Variants in TERT observed in about 807,000 individuals in gnomAD.
TERT encodes telomerase catalytic subunit.
A neutral mutation model predicts 104.0 loss-of-function variants in TERT; 42 were observed. The ratio of observed to expected loss-of-function variants is 0.40; its 90% CI spans 0.32 to 0.52. The LOEUF (loss-of-function observed/expected upper bound fraction) is 0.52. Among genes scored for constraint, TERT ranks in the 20% least tolerant of loss-of-function variants. The probability of loss-of-function intolerance (pLI) is 0.43; values close to 1 mark genes in which losing one functional copy is unlikely to be tolerated. For synonymous variants in TERT, 781 were observed against 725.6 expected (o/e 1.08, Z -1.23); for missense variants, 1,101 against 1,610.3 (o/e 0.68, Z 5.41).
intron 13 of TERT, 128 bp downstream of exon 13, chr5:1,258,470 C>G: frequency 2.4e-6 from 2 of 825,852 alleles, no homozygotes; most frequent in Non-Finnish European, 4.0e-6. Flanking sequence ...GGCAGCAGCA[C>G]CACTGAAAAC....
chr5:1,260,347 T>C, intron 12 of TERT, 127 bp downstream of exon 12: 1 of 1,457,966 alleles, frequency 6.9e-7, no homozygotes, highest in Non-Finnish European at 9.5e-7. Context: ...TGTATATGCG[T>C]ACATGTGCAC....
At position 1,263,962 on chromosome 5, in the gene TERT, T is replaced by C. The variant is rs991269880; in HGVS notation, c.2843+442A>G. ...AGTGTGGGGCTCACAGCGGAGAGAC[T>C]CACGCCCAAAAGGGCCCTGAAGTCT... is the stretch of plus-strand genomic sequence containing the variant. On this transcript the variant is annotated intron_variant, in intron 11 of 15. Coordinates refer to ENST00000310581, the MANE Select transcript of TERT (RefSeq NM_198253.3). This position sits in a 1 kb window ranked among gnomAD's most constrained non-coding sequence, Gnocchi z 5.3. Among the ~76,000 whole-genome samples, 1 of 152,104 alleles carries C rather than the reference T, an allele frequency of 6.6e-6. No homozygotes were observed. Among genetic ancestry groups the C allele is most frequent in the Non-Finnish European group, 1.5e-5 (1 of 68,014 alleles).
At chr5:1,291,605 TGCCTCACTCACCCTGCACG>T (rs1561212198) in intron 2 of TERT, among the ~76,000 whole-genome samples, 6 of 4,536 alleles carry the variant, frequency 1.3e-3, no homozygotes, top group Non-Finnish European at 2.5e-3. Flanking sequence ...CCGGGGACAG[TGCCTCACTCACCCTGCACG>T]GGACAGGGAC....
In TERT at chr5:1,261,453, G is replaced by A. The variant is rs1748221643; in HGVS notation, c.2844-853C>T. Among the ~76,000 whole-genome samples, 2 of 152,206 alleles carry A rather than the reference G, an allele frequency of 1.3e-5. No individual in the cohort carries two copies. The highest frequency in any genetic ancestry group is 1.3e-4 in the Admixed American group (2 of 15,278). On this transcript the variant is annotated intron_variant, in intron 11 of 15. Coordinates refer to ENST00000310581, the MANE Select transcript of TERT (RefSeq NM_198253.3). The surrounding 1 kb of genome is among the most constrained non-coding windows in gnomAD (Gnocchi z 7.4). ...GTGATAATGTCTGGTCACTTCAGAAGTGGAATTACTGGGAAGACACAGGAC... is the reference window on the plus strand; with the variant it reads ...GTGATAATGTCTGGTCACTTCAGAAATGGAATTACTGGGAAGACACAGGAC...
At chr5:1,284,456 GGACCGGCACCA>G (rs1750322842) in intron 2 of TERT, among the ~76,000 whole-genome samples, 1 of 23,216 alleles carries the variant, frequency 4.3e-5, no homozygotes, top group Non-Finnish European at 9.5e-5. Flanking sequence ...ACCTCACCCC[GGACCGGCACCA>G]TCCGGACTCC....
At position 1,264,583 on chromosome 5, in the gene TERT, G is replaced by C. The variant is rs1350944615; in HGVS notation, c.2664C>G (p.Val888=). ...THAKTFLRTL[V]RGVPEYGCVV... is the part of the protein sequence containing the mutation. ...CGCAGCCATACTCAGGGACACCTCG[G>C]ACCAGGGTCCTAAGGCAGAGGGGCA... The change falls in exon 11 of 16, where the codon GTC becomes GTG. Residue 888 remains valine, a synonymous_variant. Coordinates refer to ENST00000310581, the MANE Select transcript of TERT (RefSeq NM_198253.3). 1.2e-6 allele frequency: 2 copies of C among 1,613,968 alleles called. No homozygotes were observed. Among genetic ancestry groups the C allele is most frequent in the South Asian group, 2.2e-5 (2 of 91,084 alleles).
chr5:1,255,884 C>T lies in TERT; in HGVS notation c.3033-473G>A, dbSNP rs866605789. Among the ~76,000 whole-genome samples, 3 of 152,122 alleles carry T rather than the reference C, an allele frequency of 2.0e-5. No homozygotes were observed. The highest frequency in any genetic ancestry group is 7.2e-5 in the African/African-American group (3 of 41,420). On this transcript the variant is annotated intron_variant, in intron 13 of 15. Transcript: ENST00000310581. This position sits in a 1 kb window ranked among gnomAD's most constrained non-coding sequence, Gnocchi z 6.9. ...GCCACCCGCCCCTGTGGTGCATAAA[C>T]CCTGGGTCTGGGGTGATGGTGTGAG...
In TERT at chr5:1,253,713, G is replaced by C; in HGVS notation, c.*15C>G. The C allele has an allele frequency of 6.2e-7, 1 of 1,601,522 alleles. No homozygotes were observed. On this transcript the variant is annotated 3_prime_UTR_variant, in exon 16 of 16. Transcript: ENST00000310581. ...GCTGGTGTCTGCTCTCGGCCTGGCT[G>C]TGGGCGGGTGGCCATCAGTCCAGGA...
At chr5:1,253,876 G>T (rs1352233198) in intron 15 of TERT, 45 bp from the exon 16 acceptor site, 2 of 1,570,320 alleles carry the variant, frequency 1.3e-6, no homozygotes, top group Non-Finnish European at 1.7e-6. Context: ...GGCCAGAGGT[G>T]GCATCCTCCA....
At chr5:1,289,413 C>T (rs1190823597) in intron 2 of TERT, among the ~76,000 whole-genome samples, 3 of 118,308 alleles carry the variant, frequency 2.5e-5, no homozygotes, top group Non-Finnish European at 3.6e-5. Flanking sequence ...CAGGGACACC[C>T]GGGGACGGCG....
In TERT at chr5:1,286,186, T is replaced by C. The variant is rs1750472481; in HGVS notation, c.1574-3562A>G. On this transcript the variant is annotated intron_variant, in intron 2 of 15. Transcript: ENST00000310581. This position sits in a 1 kb window ranked among gnomAD's most constrained non-coding sequence, Gnocchi z 5.3. ...TCACGGGCCAAGATGACCGCCCTCC[T>C]CGTGAGTCTCCACATCTTCATCTGT... Among the ~76,000 whole-genome samples, 1 of 152,082 alleles carries C rather than the reference T, an allele frequency of 6.6e-6. No homozygotes were observed. Among genetic ancestry groups the C allele is most frequent in the Non-Finnish European group, 1.5e-5 (1 of 68,014 alleles).
chr5:1,266,160 C>T (rs1177220918), intron 10 of TERT, among the ~76,000 whole-genome samples: 1 of 152,168 alleles, frequency 6.6e-6, no homozygotes, highest in Admixed American at 6.5e-5. Flanking sequence ...CCCCAGGAGC[C>T]GCCACTCTTG....
intron 2 of TERT, among the ~76,000 whole-genome samples, chr5:1,289,348 A>C (rs11950844): frequency 7.0e-6 from 1 of 143,840 alleles, no homozygotes; most frequent in East Asian, 2.1e-4. Context: ...TGCCTCACTC[A>C]CCCTACACGT....
rs1325916101 is a variant in TERT, at chr5:1,264,707, G to A, written c.2655-115C>T. 2.3e-6 allele frequency: 3 copies of A among 1,299,468 alleles called. No individual in the cohort carries two copies. The East Asian group carries it at 7.0e-5, about 31-fold the overall frequency. The allele number at this position is 1,299,468 out of a possible 1,614,324, so 80.5% of individuals were successfully genotyped here. A position where few individuals can be genotyped will look rare whatever the true frequency, so the allele number is the denominator to read the frequency against. On this transcript the variant is annotated intron_variant, in intron 10 of 15. Coordinates refer to ENST00000310581, the MANE Select transcript of TERT (RefSeq NM_198253.3). Reference sequence around the variant, plus strand: ...CAGAGAAGTGGTGATTTGGAGCAGGGTGCTGGGCCTGGCAGGAGCTCTGAG... The same window carrying A: ...CAGAGAAGTGGTGATTTGGAGCAGGATGCTGGGCCTGGCAGGAGCTCTGAG...
At chr5:1,277,373 C>T (rs35072952) in intron 6 of TERT, among the ~76,000 whole-genome samples, 8 of 152,212 alleles carry the variant, frequency 5.3e-5, no homozygotes, top group African/African-American at 1.9e-4. Context: ...CAGTCCGCAC[C>T]CAGGAGCCTC....
intron 15 of TERT, 90 bp from the exon 16 acceptor site, chr5:1,253,921 G>C: frequency 1.4e-6 from 2 of 1,394,276 alleles, no homozygotes; most frequent in Non-Finnish European, 2.0e-6. Context: ...CGGGCAGGCA[G>C]GGCCTGCACC....
chr5:1,282,300 G>A, intron 3 of TERT, 129 bp downstream of exon 3: 1 of 986,380 alleles, frequency 1.0e-6, no homozygotes, highest in Non-Finnish European at 1.6e-6. Context: ...GCCTGTGACG[G>A]GGCCCCTGGC....
rs1404715066 is a variant in TERT at position 1,270,173 on chromosome 5, G to A, written c.2468+946C>T. 6.6e-6 allele frequency among the ~76,000 whole-genome samples: 1 copy of A among 152,202 alleles called. No homozygotes were observed. The highest frequency in any genetic ancestry group is 1.5e-5 in the Non-Finnish European group (1 of 68,040). On this transcript the variant is annotated intron_variant, in intron 8 of 15. Transcript: ENST00000310581. The surrounding 1 kb of genome is among the most constrained non-coding windows in gnomAD (Gnocchi z 8.3). ...TGCAATTTGTGTTTTTCCAGAACGTGTGTACTACTTAATATTTCTAATTAT... is the reference window on the plus strand; with the variant it reads ...TGCAATTTGTGTTTTTCCAGAACGTATGTACTACTTAATATTTCTAATTAT...
At position 1,278,798 on chromosome 5, in the gene TERT, T is replaced by C. The variant is rs1749799292; in HGVS notation, c.2131-2A>G. On this transcript the variant is annotated splice_acceptor_variant, in intron 5 of 15. Coordinates refer to ENST00000310581, the MANE Select transcript of TERT (RefSeq NM_198253.3). LOFTEE classifies it high-confidence loss of function. ...GTCGTACGCGCCCGTCACATCCACC[T>C]GTGTGAGTGGAGGCGAGGAGACTGA... 1 of 1,613,862 alleles carries C rather than the reference T, an allele frequency of 6.2e-7. No homozygotes were observed. Among genetic ancestry groups the C allele is most frequent in the African/African-American group, 1.3e-5 (1 of 74,916 alleles).
Sources: allele counts gnomAD v4.1 joint callset (sites outside exome capture counted in the v4.1 genomes callset), GRCh38; gene constraint gnomAD v4.1.1; non-coding constraint Gnocchi (gnomAD v3.1); transcripts MANE v1.5; gene names NCBI Gene and HGNC (gene_info 2026-07-23, HGNC 2026-07-21).